The following SLC9A7 variants were observed in gnomAD, a reference collection of about 807,000 sequenced individuals.
SLC9A7 encodes the protein sodium/hydrogen exchanger 7.
A neutral mutation model predicts 52.6 loss-of-function variants in SLC9A7; 19 were observed. The observed-to-expected ratio is 0.36, with a 90% CI of 0.25 to 0.53. SLC9A7 has a LOEUF of 0.53. Ranked by LOEUF, SLC9A7 falls within the 20% of genes least tolerant of loss-of-function variation. The pLI is 0.91. For synonymous variants in SLC9A7, 226 were observed against 252.1 expected, an observed-to-expected ratio of 0.90 and a Z score of 0.98; for missense variants, 455 against 597.9, an observed-to-expected ratio of 0.76 and a Z score of 2.49.
rs1569524445 is a variant in SLC9A7 at position 46,730,673 on chromosome X, TATATATATATA to T, written c.325+28021_325+28031del. Among the ~76,000 whole-genome samples the T allele has an allele frequency of 8.6e-4, 14 of 16,278 alleles. 1 individual carries two copies. The highest frequency in any genetic ancestry group is 4.7e-3 in the African/African-American group (11 of 2,332). The allele number at this position is 16,278 out of a possible 115,157, so 14.1% of individuals were successfully genotyped here. On this transcript the variant is annotated intron_variant, in intron 1 of 16. Coordinates refer to ENST00000616978, the MANE Select transcript of SLC9A7 (RefSeq NM_001257291.2). Reference sequence around the variant, plus strand: ...AGACTGTCTCAAAAAAAAAAAATTATATATATATATATATATATATATATATATATATATAT... The same window carrying T: ...AGACTGTCTCAAAAAAAAAAAATTATTATATATATATATATATATATATAT...
chrX:46,726,781 T>A (rs779273699), intron 1 of SLC9A7, among the ~76,000 whole-genome samples: 1 of 111,694 alleles, frequency 9.0e-6, no homozygotes, highest in Non-Finnish European at 1.9e-5. Flanking sequence ...GCTACCCAAG[T>A]CTACAGCTAC....
At chrX:46,643,209 C>G (rs199730824) in intron 12 of SLC9A7, 27 bp downstream of exon 12, 16 of 1,183,575 alleles carry the variant, frequency 1.4e-5, no homozygotes, top group Non-Finnish European at 1.8e-5. Flanking sequence ...AACTGACATA[C>G]TCAATTAGCC....
intron 1 of SLC9A7, among the ~76,000 whole-genome samples, chrX:46,690,860 C>T (rs906124788): frequency 7.2e-5 from 8 of 111,660 alleles, no homozygotes; most frequent in Non-Finnish European, 1.5e-4. Flanking sequence ...GTTAAAAATA[C>T]GGTCTTTTCT....
chrX:46,651,455 GA>G (rs757502245), intron 8 of SLC9A7, 51 bp from the exon 9 acceptor site: 959 of 886,555 alleles, frequency 1.1e-3, no homozygotes, highest in Admixed American at 1.2e-3. Flanking sequence ...AGAGGCAGGG[GA>G]AAAAAAAAAC....
At chrX:46,736,276 T>G (rs1388281929) in intron 1 of SLC9A7, among the ~76,000 whole-genome samples, 1 of 112,339 alleles carries the variant, frequency 8.9e-6, no homozygotes, top group Non-Finnish European at 1.9e-5. Flanking sequence ...TTCTAGCATT[T>G]GAATTTGATT....
chrX:46,729,603 A>G (rs756476757), intron 1 of SLC9A7, among the ~76,000 whole-genome samples: 1 of 110,311 alleles, frequency 9.1e-6, no homozygotes, highest in East Asian at 2.8e-4. Context: ...GCGAAACTCC[A>G]TCTCTACTAA....
intron 1 of SLC9A7, among the ~76,000 whole-genome samples, chrX:46,738,677 G>A (rs1190537857): frequency 9.1e-6 from 1 of 109,367 alleles, no homozygotes; most frequent in African/African-American, 3.3e-5. Flanking sequence ...GGTTGAGAAA[G>A]AAGAATCGCT....
chrX:46,726,015 T>C lies in SLC9A7; in HGVS notation c.325+32690A>G, dbSNP rs186149264. Among the ~76,000 whole-genome samples the C allele has an allele frequency of 2.7e-5, 3 of 111,876 alleles. No individual in the cohort carries two copies. In the East Asian group the frequency reaches 8.4e-4, roughly 31 times the overall value. ...GACCTGGGCAAGTCACTCAACTTCTTTGTGCCTCAATTTTCTCATCAGGAA... is the reference window on the plus strand; with the variant it reads ...GACCTGGGCAAGTCACTCAACTTCTCTGTGCCTCAATTTTCTCATCAGGAA... On this transcript the variant is annotated intron_variant, in intron 1 of 16. Transcript: ENST00000616978.
At chrX:46,652,556 T>A (rs1215412300) in intron 8 of SLC9A7, among the ~76,000 whole-genome samples, 1 of 112,337 alleles carries the variant, frequency 8.9e-6, no homozygotes, top group Non-Finnish European at 1.9e-5. Context: ...AACCATTTTG[T>A]TGTGCGAGAC....
chrX:46,721,315 G>A (rs934163975), intron 1 of SLC9A7, among the ~76,000 whole-genome samples: 3 of 111,583 alleles, frequency 2.7e-5, no homozygotes, highest in Non-Finnish European at 5.6e-5. Flanking sequence ...TAATGGTAGA[G>A]AACACACAAG....
chrX:46,691,549 T>C (rs1406351976), intron 1 of SLC9A7, among the ~76,000 whole-genome samples: 2 of 111,944 alleles, frequency 1.8e-5, no homozygotes, highest in African/African-American at 6.5e-5. Flanking sequence ...TGTAAGAATG[T>C]AGTGAGAACA....
intron 1 of SLC9A7, chrX:46,725,161 A>G: frequency 4.0e-6 from 3 of 749,790 alleles, no homozygotes; most frequent in Non-Finnish European, 6.3e-6. Flanking sequence ...ATGCCAATCT[A>G]TGAAGTAGGG....
At chrX:46,658,642 C>T (rs1210972957) in intron 7 of SLC9A7, among the ~76,000 whole-genome samples, 1,275 of 110,732 alleles carry the variant, frequency 0.012, 4 homozygotes, top group Non-Finnish European at 0.015. Context: ...ATAAATTCCT[C>T]GACACATACA....
At chrX:46,643,479 T>A (rs1943439649) in intron 11 of SLC9A7, 90 bp from the exon 12 acceptor site, 1 of 920,130 alleles carries the variant, frequency 1.1e-6, no homozygotes, top group Non-Finnish European at 1.5e-6. Context: ...GCTAATAAAC[T>A]CTATTCATTC....
At chrX:46,714,823 G>A (rs777699920) in intron 1 of SLC9A7, among the ~76,000 whole-genome samples, 17 of 111,909 alleles carry the variant, frequency 1.5e-4, no homozygotes, top group African/African-American at 4.5e-4. Flanking sequence ...CAGGGAAAGG[G>A]TTAAGGAGTG....
chrX:46,731,975 ACT>A (rs1945049191), intron 1 of SLC9A7, among the ~76,000 whole-genome samples: 1 of 112,218 alleles, frequency 8.9e-6, no homozygotes, highest in African/African-American at 3.2e-5. Context: ...TAATCCCAGC[ACT>A]TTGGGAGGCT....
At chrX:46,702,365 G>T (rs1944543698) in intron 1 of SLC9A7, among the ~76,000 whole-genome samples, 2 of 111,793 alleles carry the variant, frequency 1.8e-5, no homozygotes, top group South Asian at 7.4e-4. Context: ...TGATGCTGAG[G>T]TTTGGAGTAT....
intron 1 of SLC9A7, among the ~76,000 whole-genome samples, chrX:46,706,918 T>C (rs1944614008): frequency 9.0e-6 from 1 of 111,351 alleles, no homozygotes. Flanking sequence ...TTTTTATATT[T>C]TTAATAGAGG....
intron 1 of SLC9A7, among the ~76,000 whole-genome samples, chrX:46,711,222 A>T (rs1944681462): frequency 8.9e-6 from 1 of 112,975 alleles, no homozygotes; most frequent in African/African-American, 3.2e-5. Flanking sequence ...TATGACAGCC[A>T]TGGCTCTGTC....
Sources: gnomAD v4.1 joint callset for allele counts (sites outside exome capture counted in the v4.1 genomes callset) on GRCh38, gnomAD v4.1.1 for gene constraint, MANE v1.5 for transcripts, NCBI Gene and HGNC (gene_info 2026-07-23, HGNC 2026-07-21) for gene names.